Variants in C21orf58 observed in about 807,000 individuals in gnomAD.
C21orf58 encodes uncharacterized protein C21orf58.
Under a neutral mutation model 35.8 loss-of-function variants are expected in C21orf58, and 34 were observed. The observed-to-expected ratio is 0.95, with a 90% CI of 0.72 to 1.26. The LOEUF is 1.26. C21orf58 is among the 50% of genes most tolerant of loss of function. The probability of loss-of-function intolerance (pLI) is 0.00; values close to 1 mark genes in which losing one functional copy is unlikely to be tolerated. For synonymous variants in C21orf58, 191 were observed against 175.8 expected (o/e 1.09, Z -0.68); for missense variants, 440 against 414.3 (o/e 1.06, Z -0.54).
At chr21:46,313,277 C>A (rs1204786248) in intron 5 of C21orf58, among the ~76,000 whole-genome samples, 1 of 152,226 alleles carries the variant, frequency 6.6e-6, no homozygotes, top group Non-Finnish European at 1.5e-5. Flanking sequence ...ATTGTATTGG[C>A]TTTTCCCCAA....
intron 1 of C21orf58, 88 bp downstream of exon 1, chr21:46,322,551 C>G (rs1208755648): frequency 6.7e-6 from 9 of 1,334,032 alleles, no homozygotes; most frequent in Admixed American, 3.6e-5. Context: ...TGCCTGGCCC[C>G]TGCTCTAATG....
chr21:46,301,129 C>G, downstream of C21orf58: 1 of 962,714 alleles, frequency 1.0e-6, no homozygotes, highest in Non-Finnish European at 1.2e-6. Flanking sequence ...TCATACACAG[C>G]TTGCTTCTTT....
At chr21:46,307,302 G>C (rs1419433858) in intron 6 of C21orf58, among the ~76,000 whole-genome samples, 2 of 152,150 alleles carry the variant, frequency 1.3e-5, no homozygotes, top group Non-Finnish European at 2.9e-5. Flanking sequence ...ATGAGCCACT[G>C]TGCTGGCCGT....
intron 1 of C21orf58, chr21:46,318,576 G>A: frequency 8.4e-7 from 1 of 1,186,282 alleles, no homozygotes; most frequent in Non-Finnish European, 1.1e-6. Flanking sequence ...ACTGCCTCCA[G>A]GGTGTTAATA....
chr21:46,315,437 A>G (rs775425940), intron 4 of C21orf58, 37 bp downstream of exon 4: 1 of 1,305,852 alleles, frequency 7.7e-7, no homozygotes, highest in South Asian at 1.2e-5. Context: ...TGCTACAGTG[A>G]GCTCAGCCAG....
chr21:46,303,757 T>TATATATAAA (rs1451097186), intron 6 of C21orf58, among the ~76,000 whole-genome samples: 1 of 82,222 alleles, frequency 1.2e-5, no homozygotes, highest in East Asian at 4.0e-4. Flanking sequence ...TTTTTTTTTT[T>TATATATAAA]TTTTTTTTTT....
rs2083258172 is a variant in C21orf58, at chr21:46,323,802, C to A, written c.-1064G>T. ...GGCGCCGCCCGCGCCTGCAGGGAGC[C>A]CGGCCCGCTGTCCTGGTGGACACAA... On this transcript the variant is annotated 5_prime_UTR_variant, in exon 1 of 8. Coordinates refer to ENST00000291691, the MANE Select transcript of C21orf58 (RefSeq NM_058180.5). The A allele has an allele frequency of 3.2e-6, 1 of 308,276 alleles. No homozygotes were observed. Among genetic ancestry groups the A allele is most frequent in the East Asian group, 9.9e-5 (1 of 10,146 alleles). 19.1% of individuals were successfully genotyped at this position (308,276 alleles called of 1,614,324 possible).
At chr21:46,313,930 G>C (rs62224185) in intron 5 of C21orf58, among the ~76,000 whole-genome samples, 46,333 of 151,942 alleles carry the variant, frequency 0.3, 7,790 homozygotes, top group Admixed American at 0.41. Context: ...CTTGACCTCC[G>C]GGCCCCCAGC....
In C21orf58 at chr21:46,303,737, A is replaced by T. The variant is rs1453130402; in HGVS notation, c.722-1161T>A. ...TATATATATATATATATATATATATATATATATATTTTTTTTTTTTTTTTT... is the reference window on the plus strand; with the variant it reads ...TATATATATATATATATATATATATTTATATATATTTTTTTTTTTTTTTTT... On this transcript the variant is annotated intron_variant, in intron 6 of 7. Coordinates refer to ENST00000291691, the MANE Select transcript of C21orf58 (RefSeq NM_058180.5). 9.3e-3 allele frequency among the ~76,000 whole-genome samples: 280 copies of T among 30,000 alleles called. 2 individuals are homozygous for T. Among genetic ancestry groups the T allele is most frequent in the Non-Finnish European group, 0.016 (229 of 14,508 alleles). The allele number at this position is 30,000 out of a possible 152,430, so 19.7% of individuals were successfully genotyped here.
At chr21:46,302,228 CTG>C (rs2082137120) in intron 7 of C21orf58, 74 bp from the exon 8 acceptor site, 4 of 1,432,274 alleles carry the variant, frequency 2.8e-6, no homozygotes, top group Non-Finnish European at 3.7e-6. Flanking sequence ...CTGTTCCTAA[CTG>C]GGGCTGGATC....
chr21:46,313,496 C>T (rs927084567), intron 5 of C21orf58, among the ~76,000 whole-genome samples: 7 of 152,184 alleles, frequency 4.6e-5, no homozygotes. Flanking sequence ...TGACCCACAG[C>T]CCCTGCTCAC....
chr21:46,303,852 C>T (rs190943761), intron 6 of C21orf58, among the ~76,000 whole-genome samples: 6,948 of 138,952 alleles, frequency 0.05, 256 homozygotes, highest in Non-Finnish European at 0.073. Flanking sequence ...CCTGGGTTCA[C>T]GCCATTCTCC....
At chr21:46,317,322 G>A in intron 2 of C21orf58, 54 bp from the exon 3 acceptor site, 1 of 1,590,332 alleles carries the variant, frequency 6.3e-7, no homozygotes, top group Non-Finnish European at 8.5e-7. Context: ...AAGGCCCTGT[G>A]TGCTCCAGGA....
rs531057365 is a variant in C21orf58 at position 46,302,298 on chromosome 21, C to T, written c.814-144G>A. 1,173 of 1,365,636 alleles carry T rather than the reference C, an allele frequency of 8.6e-4. 27 individuals carry two copies. The South Asian group carries it at 0.015, about 18-fold the overall frequency. 84.6% of individuals were successfully genotyped at this position (1,365,636 alleles called of 1,614,324 possible). A position where few individuals can be genotyped will look rare whatever the true frequency, so the allele number is the denominator to read the frequency against. On this transcript the variant is annotated intron_variant, in intron 7 of 7. Coordinates refer to ENST00000291691, the MANE Select transcript of C21orf58 (RefSeq NM_058180.5). ...ATCCTCCCAGAGGAGGCTCCTCCCC[C>T]GCCCCAAATTGTGCAACCCATTCCT... is the stretch of plus-strand genomic sequence containing the variant.
intron 2 of C21orf58, 92 bp from the exon 3 acceptor site, chr21:46,317,360 G>T: frequency 1.3e-6 from 2 of 1,545,218 alleles, no homozygotes; most frequent in Non-Finnish European, 1.7e-6. Context: ...TGAGTGAAAA[G>T]AATGGTACGT....
At chr21:46,315,725 T>C (rs1032676523) in intron 3 of C21orf58, among the ~76,000 whole-genome samples, 178 bp from the exon 4 acceptor site, 2 of 151,968 alleles carry the variant, frequency 1.3e-5, no homozygotes, top group Non-Finnish European at 2.9e-5. Context: ...GGACCAGTGT[T>C]GGGTAAGGAG....
At chr21:46,319,366 G>A (rs1024532182) in intron 1 of C21orf58, among the ~76,000 whole-genome samples, 2 of 152,232 alleles carry the variant, frequency 1.3e-5, no homozygotes, top group Admixed American at 6.5e-5. Flanking sequence ...TGTGGAGGGT[G>A]TGGGCTAGGG....
In C21orf58 at chr21:46,322,762, G is replaced by A; in HGVS notation, c.-24C>T. ...ATTGCGCTATAGCCTGGGCGTCGCAGCGAGACTGTCTCAAAAAAAGAAAAA... is the reference window on the plus strand; with the variant it reads ...ATTGCGCTATAGCCTGGGCGTCGCAACGAGACTGTCTCAAAAAAAGAAAAA... On this transcript the variant is annotated 5_prime_UTR_variant, in exon 1 of 8. Coordinates refer to ENST00000291691, the MANE Select transcript of C21orf58 (RefSeq NM_058180.5). The A allele has an allele frequency of 1.4e-6, 2 of 1,420,776 alleles. No individual in the cohort carries two copies. Among genetic ancestry groups the A allele is most frequent in the African/African-American group, 1.5e-5 (1 of 68,112 alleles). The allele number at this position is 1,420,776 out of a possible 1,614,324, so 88.0% of individuals were successfully genotyped here.
At chr21:46,306,472 C>T (rs2082423361) in intron 6 of C21orf58, among the ~76,000 whole-genome samples, 1 of 152,136 alleles carries the variant, frequency 6.6e-6, no homozygotes, top group African/African-American at 2.4e-5. Flanking sequence ...GCACTCCAGC[C>T]TGGCAACAGA....
Sources: allele counts gnomAD v4.1 joint callset (sites outside exome capture counted in the v4.1 genomes callset), GRCh38; gene constraint gnomAD v4.1.1; transcripts MANE v1.5; gene names NCBI Gene and HGNC (gene_info 2026-07-23, HGNC 2026-07-21).